ZFR: variants seen among roughly 807,000 people sequenced by gnomAD.
ZFR encodes zinc finger RNA binding protein, also known as zinc finger RNA-binding protein.
ZFR carries 19 observed loss-of-function variants against 130.7 expected under a neutral mutation model. The ratio of observed to expected loss-of-function variants is 0.15; its 90% confidence interval spans 0.10 to 0.21. ZFR has a LOEUF of 0.21. ZFR is among the 10% of genes least tolerant of loss of function. ZFR has a pLI of 1.00. For synonymous variants in ZFR, 466 were observed against 456.9 expected, an observed-to-expected ratio of 1.02 and a Z score of -0.25; for missense variants, 872 against 1,321.5, an observed-to-expected ratio of 0.66 and a Z score of 5.27.
At chr5:32,415,481 AAGG>A (rs1286602384) in intron 4 of ZFR, among the ~76,000 whole-genome samples, 2 of 113,310 alleles carry the variant, frequency 1.8e-5, no homozygotes, top group Admixed American at 1.9e-4. Context: ...CTTTTCTGAA[AAGG>A]AGTGTGTGTG....
At chr5:32,369,140 T>A (rs1752606796) in intron 17 of ZFR, among the ~76,000 whole-genome samples, 1 of 152,244 alleles carries the variant, frequency 6.6e-6, no homozygotes, top group Non-Finnish European at 1.5e-5. Flanking sequence ...GTGCATACAG[T>A]TAAATAGATG....
At chr5:32,359,531 T>C (rs965406506) in intron 19 of ZFR, among the ~76,000 whole-genome samples, 8 of 152,350 alleles carry the variant, frequency 5.3e-5, no homozygotes, top group Middle Eastern at 3.4e-3. Context: ...ATACTGTAGC[T>C]GGTTTTCAAT....
chr5:32,365,922 A>C (rs988262280), intron 17 of ZFR, among the ~76,000 whole-genome samples: 3 of 151,980 alleles, frequency 2.0e-5, no homozygotes, highest in Non-Finnish European at 4.4e-5. Flanking sequence ...TTTTTTACGG[A>C]TTTTCATTTT....
intron 17 of ZFR, among the ~76,000 whole-genome samples, chr5:32,365,339 C>T (rs1424237786): frequency 6.6e-6 from 1 of 152,076 alleles, no homozygotes; most frequent in East Asian, 1.9e-4. Context: ...CTGCGTCAAC[C>T]TATTCACTCC....
chr5:32,366,031 C>T (rs546757122), intron 17 of ZFR, among the ~76,000 whole-genome samples: 13 of 152,154 alleles, frequency 8.5e-5, no homozygotes, highest in African/African-American at 2.9e-4. Context: ...TTTTAAGATG[C>T]GAAAAGACTT....
chr5:32,405,373 C>T (rs1012422089), intron 6 of ZFR, among the ~76,000 whole-genome samples: 1 of 152,182 alleles, frequency 6.6e-6, no homozygotes, highest in Non-Finnish European at 1.5e-5. Flanking sequence ...AGAACTCTAA[C>T]TCAATCTCAA....
rs1407510213 is a variant in ZFR, at chr5:32,415,197, G to C, written c.566-10C>G. 9 of 1,612,836 alleles carry C rather than the reference G, an allele frequency of 5.6e-6. No individual in the cohort carries two copies. The highest frequency in any genetic ancestry group is 6.8e-6 in the Non-Finnish European group (8 of 1,179,162). On this transcript the variant is annotated splice_polypyrimidine_tract_variant and intron_variant, in intron 4 of 19. Coordinates refer to ENST00000265069, the MANE Select transcript of ZFR (RefSeq NM_016107.5). ...TAACCTGCTTTGGGGGCTGAAGTAG[G>C]AAAGAGACATCAGAAAATTAGAAGA...
intron 2 of ZFR, among the ~76,000 whole-genome samples, chr5:32,429,454 G>C (rs1370888666): frequency 6.6e-6 from 1 of 152,054 alleles, no homozygotes. Flanking sequence ...GTAAAGAAGA[G>C]AAAATACTTT....
At chr5:32,388,697 A>G in intron 12 of ZFR, 23 bp from the exon 13 acceptor site, 1 of 1,560,952 alleles carries the variant, frequency 6.4e-7, no homozygotes, top group South Asian at 1.2e-5. Flanking sequence ...AAAGTTGCTC[A>G]ATTTAAAAAA....
chr5:32,421,467 A>C (rs1753956123), intron 2 of ZFR, among the ~76,000 whole-genome samples: 1 of 152,242 alleles, frequency 6.6e-6, no homozygotes, highest in African/African-American at 2.4e-5. Flanking sequence ...TGTATTAGGG[A>C]AAACACTGAT....
intron 11 of ZFR, among the ~76,000 whole-genome samples, chr5:32,394,051 G>A (rs113421901): frequency 1.8e-4 from 28 of 152,192 alleles, no homozygotes; most frequent in Middle Eastern, 3.4e-3. Context: ...AAAATAATCC[G>A]AATTTAGTTT....
chr5:32,423,986 T>C (rs1754012244), intron 2 of ZFR, among the ~76,000 whole-genome samples: 1 of 152,340 alleles, frequency 6.6e-6, no homozygotes, highest in East Asian at 1.9e-4. Context: ...GTTTACCTAC[T>C]ACAACCTTTT....
chr5:32,364,038 A>C lies in ZFR; in HGVS notation c.2955T>G (p.Pro985=). ...CCTTTTCACAAGGATCCAGAAGTCC[A>C]GGACTACCTACAGCAATCACCACAG... The part of the protein sequence containing the change: ...ISSGIILKGS[P]GLLDPCEKDP... The change falls in exon 19 of 20, where the codon CCT becomes CCG. Residue 985 remains proline (P), a synonymous_variant. Transcript: ENST00000265069. The C allele has an allele frequency of 6.2e-7, 1 of 1,614,108 alleles. No individual in the cohort carries two copies. The highest frequency in any genetic ancestry group is 8.5e-7 in the Non-Finnish European group (1 of 1,179,962).
chr5:32,419,627 C>T (rs1033547573), intron 3 of ZFR, among the ~76,000 whole-genome samples, 194 bp downstream of exon 3: 3 of 152,166 alleles, frequency 2.0e-5, no homozygotes, highest in Non-Finnish European at 2.9e-5. Context: ...CATGAGCCAC[C>T]GCGCCCAGCC....
intron 17 of ZFR, among the ~76,000 whole-genome samples, chr5:32,366,247 A>T (rs1308248681): frequency 6.6e-6 from 1 of 152,252 alleles, no homozygotes; most frequent in Admixed American, 6.5e-5. Context: ...ACAAAATTGA[A>T]GTCATAAAAT....
In ZFR at chr5:32,397,426, A is replaced by G. The variant is rs149585225; in HGVS notation, c.1714-88T>C. The G allele has an allele frequency of 7.0e-5, 105 of 1,494,330 alleles. No homozygotes were observed. The African/African-American group carries it at 1.4e-3, about 19-fold the overall frequency. The allele number at this position is 1,494,330 out of a possible 1,614,324, so 92.6% of individuals were successfully genotyped here. On this transcript the variant is annotated intron_variant, in intron 9 of 19. Transcript: ENST00000265069. ...CACATATTATTTGATGAAGTTGTAC[A>G]CAGTTAGAAAGAAGTGGCAATGTCT...
At chr5:32,369,210 T>G (rs527334362) in intron 17 of ZFR, among the ~76,000 whole-genome samples, 6 of 152,328 alleles carry the variant, frequency 3.9e-5, no homozygotes, top group South Asian at 4.1e-4. Flanking sequence ...CTGTTTTTTT[T>G]GTAAGCTGAG....
rs138049276 is a variant in ZFR at position 32,404,369 on chromosome 5, A to G, written c.1033-272T>C. On this transcript the variant is annotated intron_variant, in intron 6 of 19. Transcript: ENST00000265069. ...AATGGCTTTCAGTTTTAAAAATTTT[A>G]TCTTTTGTTGCTTATATAAATGTTG... Among the ~76,000 whole-genome samples, 13 of 152,314 alleles carry G rather than the reference A, an allele frequency of 8.5e-5. No homozygotes were observed. The East Asian group carries it at 2.3e-3, about 27-fold the overall frequency.
At chr5:32,424,990 G>A (rs1364813123) in intron 2 of ZFR, among the ~76,000 whole-genome samples, 1 of 152,166 alleles carries the variant, frequency 6.6e-6, no homozygotes, top group Non-Finnish European at 1.5e-5. Flanking sequence ...TAGCTTTGAT[G>A]GAACTAGAAA....
Sources: gnomAD v4.1 joint callset for allele counts (sites outside exome capture counted in the v4.1 genomes callset) on GRCh38, gnomAD v4.1.1 for gene constraint, MANE v1.5 for transcripts, NCBI Gene and HGNC (gene_info 2026-07-23, HGNC 2026-07-21) for gene names.